Variants in SLC67A2 observed in about 807,000 individuals in gnomAD.
The protein encoded by SLC67A2 is solute carrier family 67 member A2.
At chr2:102,719,257 A>G in the SLC67A2 span, 1 of 1,551,272 alleles carries the variant, frequency 6.4e-7, no homozygotes, top group African/African-American at 1.4e-5. Flanking sequence ...CACTGAATCC[A>G]TACACTACCT....
At chr2:102,730,053 G>A in the SLC67A2 span, among the ~76,000 whole-genome samples, 1 of 152,138 alleles carries the variant, frequency 6.6e-6, no homozygotes, top group Non-Finnish European at 1.5e-5. Context: ...CTATTCTACT[G>A]AACCGCCTGA....
chr2:102,714,710 A>C, the SLC67A2 span, among the ~76,000 whole-genome samples: 1 of 152,206 alleles, frequency 6.6e-6, no homozygotes, highest in South Asian at 2.1e-4. Context: ...AGCTGAAAAA[A>C]AGTTATTTTA....
the SLC67A2 span, chr2:102,726,816 G>GAAGA: frequency 7.7e-7 from 1 of 1,303,066 alleles, no homozygotes; most frequent in South Asian, 1.7e-5. Flanking sequence ...AGCTACGTTT[G>GAAGA]AAAAAAAAAA....
At chr2:102,720,858 G>A in the SLC67A2 span, among the ~76,000 whole-genome samples, 1 of 152,166 alleles carries the variant, frequency 6.6e-6, no homozygotes, top group Non-Finnish European at 1.5e-5. Context: ...GACGAAAACA[G>A]CTATAGTCAT....
chr2:102,729,144 T>C, the SLC67A2 span, among the ~76,000 whole-genome samples: 2 of 152,200 alleles, frequency 1.3e-5, no homozygotes, highest in African/African-American at 4.8e-5. Context: ...TAACTAGGAA[T>C]TTCTGTATCT....
At chr2:102,718,648 C>G in the SLC67A2 span, 2 of 1,613,864 alleles carry the variant, frequency 1.2e-6, no homozygotes, top group Non-Finnish European at 1.7e-6. Flanking sequence ...CCACAGTCAG[C>G]TGGAGGTCCG....
At chr2:102,719,131 A>G in the SLC67A2 span, 27 of 1,614,154 alleles carry the variant, frequency 1.7e-5, no homozygotes, top group South Asian at 2.3e-4. Context: ...CCAACAGCAC[A>G]TGGGTCTTTC....
the SLC67A2 span, among the ~76,000 whole-genome samples, chr2:102,729,553 T>C: frequency 9.2e-5 from 14 of 152,202 alleles, no homozygotes; most frequent in Non-Finnish European, 1.2e-4. Flanking sequence ...AAATACGACA[T>C]TCTGCTTGAC....
At chr2:102,732,297 A>C in the SLC67A2 span, 5 of 1,583,054 alleles carry the variant, frequency 3.2e-6, no homozygotes, top group Non-Finnish European at 4.3e-6. Flanking sequence ...CAGTGCTCTA[A>C]AAATGAGCAA....
At chr2:102,733,188 A>T in the SLC67A2 span, among the ~76,000 whole-genome samples, 27 of 152,224 alleles carry the variant, frequency 1.8e-4, no homozygotes, top group Non-Finnish European at 3.4e-4. Flanking sequence ...GTTAATAGAC[A>T]GACTGTTAAC....
the SLC67A2 span, chr2:102,736,634 G>A: frequency 4.8e-5 from 77 of 1,613,816 alleles, 1 homozygote; most frequent in East Asian, 1.6e-3. Flanking sequence ...CAGCCCCCAC[G>A]CTCGCACTCA....
the SLC67A2 span, among the ~76,000 whole-genome samples, chr2:102,735,846 G>GCGCA: frequency 0.27 from 40,048 of 149,536 alleles, 5,721 homozygotes; most frequent in African/African-American, 0.4. Flanking sequence ...ACGCGCGCGC[G>GCGCA]CACACACACA....
chr2:102,717,025 A>T, the SLC67A2 span: 1 of 152,186 alleles, frequency 6.6e-6, no homozygotes, highest in African/African-American at 2.4e-5. Context: ...GAAACTAAAA[A>T]TAAAGGAAAT....
At chr2:102,732,184 T>C in the SLC67A2 span, 1 of 795,956 alleles carries the variant, frequency 1.3e-6, no homozygotes, top group Non-Finnish European at 2.2e-6. Flanking sequence ...TATTTTAAAA[T>C]ATTCTGGAAA....
the SLC67A2 span, among the ~76,000 whole-genome samples, chr2:102,730,212 CT>C: frequency 1.3e-5 from 2 of 151,928 alleles, no homozygotes; most frequent in Admixed American, 6.6e-5. Flanking sequence ...ATCTGTGTTT[CT>C]TTTTTTTGAT....
the SLC67A2 span, among the ~76,000 whole-genome samples, chr2:102,735,825 C>G: frequency 7.3e-6 from 1 of 137,708 alleles, no homozygotes; most frequent in Non-Finnish European, 1.5e-5. Flanking sequence ...ACTCAGGGAG[C>G]AAACCAGGAC....
chr2:102,732,136 C>T, the SLC67A2 span: 20 of 701,618 alleles, frequency 2.9e-5, no homozygotes, highest in East Asian at 1.7e-4. Context: ...GAACATACGT[C>T]GTCTAGAAAA....
At chr2:102,725,253 G>A in the SLC67A2 span, among the ~76,000 whole-genome samples, 4 of 152,150 alleles carry the variant, frequency 2.6e-5, no homozygotes, top group Admixed American at 6.5e-5. Flanking sequence ...GAAGCCCCCC[G>A]TGGCTTGCTC....
At chr2:102,723,758 T>C in the SLC67A2 span, 1 of 1,614,068 alleles carries the variant, frequency 6.2e-7, no homozygotes, top group Non-Finnish European at 8.5e-7. Context: ...ACCCATCCTC[T>C]AATTCAGTGA....
Sources: gnomAD v4.1 joint callset for allele counts (sites outside exome capture counted in the v4.1 genomes callset) on GRCh38, gnomAD v4.1.1 for gene constraint, MANE v1.5 for transcripts, NCBI Gene and HGNC (gene_info 2026-07-23, HGNC 2026-07-21) for gene names.